SWAP70: variants seen among roughly 807,000 people sequenced by gnomAD.
The protein encoded by SWAP70 is switching B cell complex subunit SWAP70.
A neutral mutation model predicts 80.2 loss-of-function variants in SWAP70; 34 were observed. The ratio of observed to expected loss-of-function variants is 0.42; its 90% confidence interval spans 0.32 to 0.56. The LOEUF is 0.56. Among genes scored for constraint, SWAP70 ranks in the 20% least tolerant of loss-of-function variants. SWAP70 has a pLI of 0.09. For synonymous variants in SWAP70, 239 were observed against 238.5 expected (o/e 1.00, Z -0.02); for missense variants, 578 against 690.7 (o/e 0.84, Z 1.83).
chr11:9,706,511 C>G (rs952582093), intron 2 of SWAP70, among the ~76,000 whole-genome samples: 2 of 152,150 alleles, frequency 1.3e-5, no homozygotes, highest in Non-Finnish European at 2.9e-5. Context: ...TACCACTCAT[C>G]TTGGGAAACA....
chr11:9,734,762 A>G (rs1170693955), intron 7 of SWAP70, among the ~76,000 whole-genome samples: 3 of 152,158 alleles, frequency 2.0e-5, no homozygotes, highest in Non-Finnish European at 4.4e-5. Context: ...AGCTGGGACT[A>G]CAGGTGTGCA....
intron 3 of SWAP70, among the ~76,000 whole-genome samples, chr11:9,716,778 C>T (rs1388348100): frequency 6.6e-6 from 1 of 152,056 alleles, no homozygotes; most frequent in East Asian, 1.9e-4. Context: ...TTGTGAGAGG[C>T]CAGGGCTGGA....
intron 1 of SWAP70, among the ~76,000 whole-genome samples, chr11:9,676,681 G>A (rs1295941556): frequency 2.3e-5 from 3 of 128,334 alleles, no homozygotes; most frequent in Non-Finnish European, 3.2e-5. Context: ...ACGGAGTCTT[G>A]CTCTGTTGCC....
chr11:9,672,111 A>ATAATT (rs1159540782), intron 1 of SWAP70, among the ~76,000 whole-genome samples: 14 of 130,242 alleles, frequency 1.1e-4, no homozygotes, highest in African/African-American at 4.0e-4. Context: ...ATAATATAAT[A>ATAATT]TAATTTAAAT....
intron 2 of SWAP70, among the ~76,000 whole-genome samples, chr11:9,703,152 G>A (rs1003491616): frequency 6.6e-6 from 1 of 152,006 alleles, no homozygotes; most frequent in Admixed American, 6.6e-5. Context: ...GCCTATTCTG[G>A]ACATATAATA....
intron 2 of SWAP70, among the ~76,000 whole-genome samples, chr11:9,698,933 T>C (rs1009736733): frequency 6.6e-6 from 1 of 152,208 alleles, no homozygotes; most frequent in Non-Finnish European, 1.5e-5. Flanking sequence ...GTCTACTCTC[T>C]TAGCAATTTT....
At chr11:9,679,487 T>C (rs1436908326) in intron 1 of SWAP70, among the ~76,000 whole-genome samples, 2 of 152,158 alleles carry the variant, frequency 1.3e-5, no homozygotes, top group African/African-American at 4.8e-5. Flanking sequence ...TAACTGAACC[T>C]TGTAGCTTGA....
chr11:9,707,115 T>C lies in SWAP70; in HGVS notation c.241-6351T>C, dbSNP rs145395744. Among the ~76,000 whole-genome samples, 40 of 152,328 alleles carry C rather than the reference T, an allele frequency of 2.6e-4. No homozygotes were observed. In the Middle Eastern group the frequency reaches 0.01, roughly 39 times the overall value. ...TGTGAAAACACTTGAATACTAATGC[T>C]TTATGCACTATTTTCTATGAAAACT... On this transcript the variant is annotated intron_variant, in intron 2 of 11. Transcript: ENST00000318950.
Position 9,725,569 on chromosome 11 carries a change from A to AT in SWAP70, c.642+703dup, listed in dbSNP as rs746391271. On this transcript the variant is annotated intron_variant, in intron 4 of 11. Coordinates refer to ENST00000318950, the MANE Select transcript of SWAP70 (RefSeq NM_015055.4). ...TATATATATATATATATATATATATATTTTTTTTTTTTTTTTTTTCCAAGA... is the reference window on the plus strand; with the variant it reads ...TATATATATATATATATATATATATATTTTTTTTTTTTTTTTTTTTCCAAGA... Among the ~76,000 whole-genome samples the AT allele has an allele frequency of 4.9e-3, 131 of 26,580 alleles. 1 individual carries two copies. The highest frequency in any genetic ancestry group is 0.026 in the Middle Eastern group (1 of 38). 17.4% of individuals were successfully genotyped at this position (26,580 alleles called of 152,430 possible).
chr11:9,689,892 GT>G (rs1850675150), intron 1 of SWAP70, among the ~76,000 whole-genome samples: 1 of 152,278 alleles, frequency 6.6e-6, no homozygotes, highest in East Asian at 1.9e-4. Flanking sequence ...TGGGGCTGGG[GT>G]AGCACCAGCA....
At chr11:9,740,757 G>A (rs74753995) in intron 9 of SWAP70, 17,008 of 206,096 alleles carry the variant, frequency 0.083, 2,049 homozygotes, top group East Asian at 0.28. Context: ...AGGTTTTGAG[G>A]AATAAGGAAG....
chr11:9,681,074 G>T, intron 1 of SWAP70: 1 of 154,468 alleles, frequency 6.5e-6, no homozygotes. Flanking sequence ...CAAAGAGAAC[G>T]ACCATCCTCG....
At chr11:9,698,241 T>C (rs539247048) in intron 2 of SWAP70, among the ~76,000 whole-genome samples, 11 of 151,528 alleles carry the variant, frequency 7.3e-5, no homozygotes, top group Admixed American at 2.6e-4. Flanking sequence ...AATGGGATTA[T>C]AGTTGTGTGC....
At chr11:9,726,936 T>C (rs2453831) in intron 4 of SWAP70, 149,131 of 455,780 alleles carry the variant, frequency 0.33, 25,719 homozygotes, top group African/African-American at 0.42. Flanking sequence ...CTTCAGAATA[T>C]TGAGAGGTCA....
At chr11:9,681,419 G>A (rs1410583577) in intron 1 of SWAP70, among the ~76,000 whole-genome samples, 1 of 152,214 alleles carries the variant, frequency 6.6e-6, no homozygotes, top group Non-Finnish European at 1.5e-5. Flanking sequence ...TTGACTGACA[G>A]TCTGTCTTAG....
intron 4 of SWAP70, among the ~76,000 whole-genome samples, chr11:9,725,569 A>ATATATATATTT (rs1554892086): frequency 7.5e-5 from 2 of 26,616 alleles, no homozygotes; most frequent in Non-Finnish European, 1.3e-4. Flanking sequence ...ATATATATAT[A>ATATATATATTT]TTTTTTTTTT....
intron 3 of SWAP70, among the ~76,000 whole-genome samples, chr11:9,715,403 A>C: frequency 6.6e-6 from 1 of 152,210 alleles, no homozygotes; most frequent in East Asian, 1.9e-4. Context: ...TCCATGAGGA[A>C]CAACAAGGAA....
At chr11:9,666,655 C>T (rs1850310558) in intron 1 of SWAP70, among the ~76,000 whole-genome samples, 1 of 151,646 alleles carries the variant, frequency 6.6e-6, no homozygotes, top group Non-Finnish European at 1.5e-5. Flanking sequence ...CATCATTTCT[C>T]TTTTAAAGAT....
chr11:9,732,411 T>C lies in SWAP70; in HGVS notation c.899-118T>C. 2.8e-6 allele frequency: 3 copies of C among 1,052,860 alleles called. No homozygotes were observed. The South Asian group carries it at 4.4e-5, about 16-fold the overall frequency. The allele number at this position is 1,052,860 out of a possible 1,614,324, so 65.2% of individuals were successfully genotyped here. A position where few individuals can be genotyped will look rare whatever the true frequency, so the allele number is the denominator to read the frequency against. On this transcript the variant is annotated intron_variant, in intron 6 of 11. Transcript: ENST00000318950. ...ACTATGGAGTGACAAAATCAGAATC[T>C]ACACTGGGCCTTCTGGCTCCCTGTC...
Sources: gnomAD v4.1 joint callset for allele counts (sites outside exome capture counted in the v4.1 genomes callset) on GRCh38, gnomAD v4.1.1 for gene constraint, MANE v1.5 for transcripts, NCBI Gene and HGNC (gene_info 2026-07-23, HGNC 2026-07-21) for gene names.